BDP1: variants seen among roughly 807,000 people sequenced by gnomAD.
BDP1 encodes the protein BDP1 general transcription factor IIIB subunit.
In BDP1, 169 loss-of-function variants were observed where a neutral mutation model predicts 266.6. That is an observed-to-expected ratio of 0.63 (90% CI 0.56 to 0.72). The LOEUF (loss-of-function observed/expected upper bound fraction) is 0.72, where lower values mean the gene tolerates loss of function less well. Among genes scored for constraint, BDP1 ranks in the 30% least tolerant of loss-of-function variants. The pLI, the probability that BDP1 is intolerant of heterozygous loss-of-function variation, is 0.00. For missense variants in BDP1, 3,015 were observed against 3,053.8 expected (o/e 0.99, Z 0.30); for synonymous variants, 1,090 against 1,022.4 (o/e 1.07, Z -1.26).
In BDP1 at chr5:71,467,409, C is replaced by A. The variant is rs2150358952; in HGVS notation, c.841C>A (p.Pro281Thr). The A allele has an allele frequency of 6.2e-7, 1 of 1,610,318 alleles. No individual in the cohort carries two copies. The highest frequency in any genetic ancestry group is 2.2e-5 in the East Asian group (1 of 44,796). Residue 281 changes from proline (P) to threonine (T), a missense_variant, in exon 6 of 39, where the codon CCC (proline) becomes ACC (threonine). Physicochemically the swap from Pro to Thr is conservative, Grantham distance 38. Coordinates refer to ENST00000358731, the MANE Select transcript of BDP1 (RefSeq NM_018429.3). ...KGPCVVEEND[P>T]IFERGSTTTY... ...CCCTTGTGTTGTTGAAGAAAATGAC[C>A]CCATATTTGAGCGCGGTTCTACAAC...
chr5:71,546,782 G>A (rs145133100), intron 32 of BDP1, among the ~76,000 whole-genome samples: 1 of 152,088 alleles, frequency 6.6e-6, no homozygotes, highest in African/African-American at 2.4e-5. Context: ...ATTTAACATT[G>A]TCTCAACAAT....
intron 7 of BDP1, among the ~76,000 whole-genome samples, chr5:71,483,016 T>G (rs1763048636): frequency 6.6e-6 from 1 of 152,252 alleles, no homozygotes; most frequent in Admixed American, 6.5e-5. Context: ...GTGATTGCTT[T>G]ACAAGTCATA....
intron 34 of BDP1, among the ~76,000 whole-genome samples, chr5:71,550,308 C>G (rs1561780800): frequency 6.6e-6 from 1 of 152,058 alleles, no homozygotes; most frequent in Non-Finnish European, 1.5e-5. Context: ...ACCACTTGAA[C>G]CCGGGAGGTG....
chr5:71,561,723 C>T (rs892005795), intron 37 of BDP1, among the ~76,000 whole-genome samples: 11 of 152,170 alleles, frequency 7.2e-5, no homozygotes, highest in African/African-American at 2.2e-4. Context: ...AGAGTGTAGT[C>T]CTGACAACAG....
At chr5:71,539,122 CTAG>C (rs1374077240) in intron 27 of BDP1, 44 bp downstream of exon 27, 48 of 1,318,502 alleles carry the variant, frequency 3.6e-5, no homozygotes, top group Non-Finnish European at 4.9e-5. Context: ...TTGATTAACA[CTAG>C]TACAGTGATT....
chr5:71,486,747 G>T, intron 9 of BDP1, 120 bp downstream of exon 9: 1 of 738,796 alleles, frequency 1.4e-6, no homozygotes, highest in Non-Finnish European at 2.1e-6. Context: ...AAAGCATCCA[G>T]TTGGAGGGAG....
At chr5:71,546,245 C>T (rs1416253181) in intron 32 of BDP1, among the ~76,000 whole-genome samples, 5 of 152,020 alleles carry the variant, frequency 3.3e-5, no homozygotes, top group Non-Finnish European at 7.4e-5. Context: ...AGAATTATCC[C>T]ATACACTTCA....
chr5:71,498,755 G>A (rs6883955), intron 13 of BDP1, among the ~76,000 whole-genome samples: 1 of 138,496 alleles, frequency 7.2e-6, no homozygotes, highest in South Asian at 2.3e-4. Flanking sequence ...ATAGGATCTC[G>A]CCCAGTCGCC....
chr5:71,529,304 C>A (rs1167694348), intron 25 of BDP1, among the ~76,000 whole-genome samples: 4 of 152,124 alleles, frequency 2.6e-5, no homozygotes, highest in Non-Finnish European at 1.5e-5. Flanking sequence ...GCAGGATAAT[C>A]GCTTGAAACC....
chr5:71,513,795 C>T (rs1765075688), intron 19 of BDP1, among the ~76,000 whole-genome samples: 2 of 152,094 alleles, frequency 1.3e-5, no homozygotes, highest in South Asian at 2.1e-4. Context: ...TCTCGGCTCA[C>T]TGCAACTTCC....
chr5:71,516,895 TA>T (rs921144168), intron 21 of BDP1, among the ~76,000 whole-genome samples: 41 of 148,830 alleles, frequency 2.8e-4, no homozygotes, highest in Admixed American at 4.0e-4. Flanking sequence ...AGCTCTTTCT[TA>T]AAAAAAAAAA....
At chr5:71,531,078 A>C (rs1406680243) in intron 25 of BDP1, among the ~76,000 whole-genome samples, 1 of 152,100 alleles carries the variant, frequency 6.6e-6, no homozygotes, top group East Asian at 1.9e-4. Flanking sequence ...TGTCTCAAAA[A>C]AAAAATAACG....
chr5:71,468,585 A>G (rs932610983), intron 6 of BDP1, among the ~76,000 whole-genome samples: 11 of 150,852 alleles, frequency 7.3e-5, no homozygotes, highest in Non-Finnish European at 1.3e-4. Context: ...CATTTAAATA[A>G]AAATTAACAA....
At chr5:71,559,873 T>G in intron 36 of BDP1, 109 bp from the exon 37 acceptor site, 1 of 1,080,660 alleles carries the variant, frequency 9.3e-7, no homozygotes. Flanking sequence ...CTTACTCTTA[T>G]TAGGGTAGGT....
At chr5:71,505,232 C>G (rs1764514128) in intron 16 of BDP1, among the ~76,000 whole-genome samples, 1 of 152,162 alleles carries the variant, frequency 6.6e-6, no homozygotes, top group African/African-American at 2.4e-5. Context: ...GTCTCGAACT[C>G]CTGACCTCAA....
intron 29 of BDP1, among the ~76,000 whole-genome samples, 192 bp downstream of exon 29, chr5:71,541,874 T>G (rs1766990108): frequency 6.6e-6 from 1 of 152,226 alleles, no homozygotes; most frequent in Non-Finnish European, 1.5e-5. Flanking sequence ...CTTTGAAGCT[T>G]TAATGAAATA....
intron 9 of BDP1, among the ~76,000 whole-genome samples, chr5:71,488,405 G>A (rs1264077711): frequency 6.6e-6 from 1 of 150,882 alleles, no homozygotes; most frequent in Non-Finnish European, 1.5e-5. Context: ...GGGATTGCAG[G>A]TGTGAGCCAC....
intron 4 of BDP1, among the ~76,000 whole-genome samples, chr5:71,464,959 G>A (rs547516545): frequency 2.0e-5 from 3 of 151,422 alleles, no homozygotes; most frequent in South Asian, 2.1e-4. Context: ...CCTCGTGATC[G>A]GCCCGCCTCG....
Position 71,468,607 on chromosome 5 carries a change from C to CTTT in BDP1, c.919+1134_919+1136dup, listed in dbSNP as rs11376926. 1.4e-3 allele frequency among the ~76,000 whole-genome samples: 194 copies of CTTT among 134,796 alleles called. 1 individual carries two copies. Among genetic ancestry groups the CTTT allele is most frequent in the African/African-American group, 4.4e-3 (160 of 36,256 alleles). 88.4% of individuals were successfully genotyped at this position (134,796 alleles called of 152,430 possible). ...ATAAAAATTAACAATACAATATTTC[C>CTTT]TTTTTTTTTTTTTTTTGAGATGGAG... On this transcript the variant is annotated intron_variant, in intron 6 of 38. Transcript: ENST00000358731.
Sources: gnomAD v4.1 joint callset for allele counts (sites outside exome capture counted in the v4.1 genomes callset) on GRCh38, gnomAD v4.1.1 for gene constraint, MANE v1.5 for transcripts, NCBI Gene and HGNC (gene_info 2026-07-23, HGNC 2026-07-21) for gene names.